DISP1: variants seen among roughly 807,000 people sequenced by gnomAD.
DISP1 encodes protein dispatched homolog 1.
DISP1 carries 30 observed loss-of-function variants against 37.3 expected under a neutral mutation model. The observed-to-expected ratio is 0.80, with a 90% CI of 0.60 to 1.09. DISP1 has a LOEUF of 1.09. DISP1 is among the 50% of genes least tolerant of loss of function. The pLI is 0.00. For missense variants in DISP1, 1,598 were observed against 1,879.5 expected, an observed-to-expected ratio of 0.85 and a Z score of 2.77; for synonymous variants, 634 against 690.2, an observed-to-expected ratio of 0.92 and a Z score of 1.28.
At chr1:222,937,423 G>A (rs79134586) in intron 2 of DISP1, among the ~76,000 whole-genome samples, 2,790 of 152,052 alleles carry the variant, frequency 0.018, 76 homozygotes, top group African/African-American at 0.063. Flanking sequence ...ATTTACTTGC[G>A]TTATGTATTA....
chr1:222,834,459 A>G (rs1008836697), intron 1 of DISP1, among the ~76,000 whole-genome samples: 1 of 152,196 alleles, frequency 6.6e-6, no homozygotes, highest in Non-Finnish European at 1.5e-5. Context: ...TAGGAATAGC[A>G]GTGGAATGGA....
At chr1:222,913,005 T>C (rs1386843698) in intron 1 of DISP1, among the ~76,000 whole-genome samples, 2 of 152,216 alleles carry the variant, frequency 1.3e-5, no homozygotes, top group African/African-American at 4.8e-5. Flanking sequence ...TGACTAGATA[T>C]TTATAGCAGA....
chr1:222,945,798 G>T (rs1013511852), intron 3 of DISP1: 4 of 152,126 alleles, frequency 2.6e-5, no homozygotes, highest in Admixed American at 2.6e-4. Context: ...GTCTTTGTAT[G>T]TTATCTAAAG....
intron 1 of DISP1, among the ~76,000 whole-genome samples, chr1:222,924,406 T>A (rs1179567230): frequency 1.3e-5 from 2 of 152,176 alleles, no homozygotes; most frequent in African/African-American, 4.8e-5. Context: ...ATAAGGAGAC[T>A]GTAACCTCTT....
chr1:222,844,655 A>G (rs1667797020), intron 1 of DISP1, among the ~76,000 whole-genome samples: 1 of 152,142 alleles, frequency 6.6e-6, no homozygotes, highest in Non-Finnish European at 1.5e-5. Context: ...ATCAATTGCA[A>G]ATAGGCCATG....
chr1:222,838,024 T>C (rs1558285246), intron 1 of DISP1, among the ~76,000 whole-genome samples: 1 of 152,184 alleles, frequency 6.6e-6, no homozygotes, highest in South Asian at 2.1e-4. Flanking sequence ...GTTTTTCCTA[T>C]TATTTCTCAA....
intron 1 of DISP1, among the ~76,000 whole-genome samples, chr1:222,828,086 T>C (rs1313725827): frequency 6.6e-6 from 1 of 152,182 alleles, no homozygotes; most frequent in Non-Finnish European, 1.5e-5. Context: ...AATACTAGGC[T>C]AAAAAGTTTG....
Position 222,893,803 on chromosome 1 carries a change from G to A in DISP1, c.-158-34627G>A, listed in dbSNP as rs1372758027. Among the ~76,000 whole-genome samples the A allele has an allele frequency of 6.6e-6, 1 of 152,214 alleles. No individual in the cohort carries two copies. Among genetic ancestry groups the A allele is most frequent in the Non-Finnish European group, 1.5e-5 (1 of 68,036 alleles). On this transcript the variant is annotated intron_variant, in intron 1 of 8. Coordinates refer to ENST00000675850, the MANE Select transcript of DISP1 (RefSeq NM_001377229.1). This position sits in a 1 kb window ranked among gnomAD's most constrained non-coding sequence, Gnocchi z 4.3. ...TGTTGCCCACAACGTGGCTAATGGA[G>A]TGGGGGCGTGTTTCAGCCCTGTTTG...
chr1:222,832,105 C>T (rs1466561957), intron 1 of DISP1, among the ~76,000 whole-genome samples: 1 of 151,952 alleles, frequency 6.6e-6, no homozygotes, highest in Non-Finnish European at 1.5e-5. Flanking sequence ...CATGATGAAA[C>T]CCCGTCTCTA....
In DISP1 at chr1:222,900,259, G is replaced by T. The variant is rs189175050; in HGVS notation, c.-158-28171G>T. 2.9e-3 allele frequency among the ~76,000 whole-genome samples: 447 copies of T among 152,216 alleles called. 3 individuals are homozygous for T. Among genetic ancestry groups the T allele is most frequent in the African/African-American group, 0.01 (434 of 41,534 alleles). On this transcript the variant is annotated intron_variant, in intron 1 of 8. Coordinates refer to ENST00000675850, the MANE Select transcript of DISP1 (RefSeq NM_001377229.1). ...TTCTCATTGTATGACTAGGGACAAC[G>T]TTTTTAAGCCTTAGTTTCCTCATTG...
At chr1:222,972,334 G>T (rs759033659) in intron 3 of DISP1, among the ~76,000 whole-genome samples, 1 of 151,802 alleles carries the variant, frequency 6.6e-6, no homozygotes, top group Non-Finnish European at 1.5e-5. Context: ...TTTATTCTAG[G>T]TCACTGCAGT....
chr1:222,826,736 T>C (rs945802054), intron 1 of DISP1, among the ~76,000 whole-genome samples: 2 of 152,166 alleles, frequency 1.3e-5, no homozygotes, highest in Admixed American at 6.6e-5. Flanking sequence ...GGTATTGGTC[T>C]TTACATTATT....
At chr1:222,958,702 G>A (rs1472352043) in intron 3 of DISP1, among the ~76,000 whole-genome samples, 1 of 152,034 alleles carries the variant, frequency 6.6e-6, no homozygotes, top group Non-Finnish European at 1.5e-5. Flanking sequence ...TAAAAGAAAA[G>A]CAATTCTTCG....
chr1:222,960,404 G>A (rs1387050765), intron 3 of DISP1, among the ~76,000 whole-genome samples: 1 of 152,128 alleles, frequency 6.6e-6, no homozygotes, highest in Non-Finnish European at 1.5e-5. Flanking sequence ...CAGAAATCAA[G>A]AAGTTCTTTG....
intron 2 of DISP1, among the ~76,000 whole-genome samples, chr1:222,939,090 T>C (rs1218155616): frequency 6.6e-6 from 1 of 152,200 alleles, no homozygotes. Context: ...AAGTCAGAGT[T>C]CAAATTATTC....
chr1:222,819,649 C>T (rs1225186908), intron 1 of DISP1, among the ~76,000 whole-genome samples: 3 of 151,338 alleles, frequency 2.0e-5, no homozygotes, highest in Admixed American at 2.0e-4. Context: ...AAACGATGCT[C>T]CTGCCTCAGC....
intron 1 of DISP1, among the ~76,000 whole-genome samples, chr1:222,836,762 T>TACACAC (rs545136268): frequency 5.4e-5 from 8 of 147,462 alleles, no homozygotes; most frequent in African/African-American, 2.0e-4. Context: ...TATATATATA[T>TACACAC]ACACACACAC....
intron 1 of DISP1, among the ~76,000 whole-genome samples, chr1:222,917,075 C>T (rs1200336278): frequency 6.6e-6 from 1 of 152,154 alleles, no homozygotes; most frequent in Non-Finnish European, 1.5e-5. Flanking sequence ...AAGCAGCTGA[C>T]CAATCGTTAT....
At chr1:222,900,460 CATT>C (rs1253132731) in intron 1 of DISP1, among the ~76,000 whole-genome samples, 1 of 152,124 alleles carries the variant, frequency 6.6e-6, no homozygotes, top group East Asian at 1.9e-4. Context: ...GTAGTTTTGA[CATT>C]ATTGCATACT....
Sources: gnomAD v4.1 joint callset for allele counts (sites outside exome capture counted in the v4.1 genomes callset) on GRCh38, gnomAD v4.1.1 for gene constraint, Gnocchi (gnomAD v3.1) non-coding constraint, MANE v1.5 for transcripts, NCBI Gene and HGNC (gene_info 2026-07-23, HGNC 2026-07-21) for gene names.